Variants in HDC observed in about 807,000 individuals in gnomAD.
HDC encodes histidine decarboxylase.
HDC carries 27 observed loss-of-function variants against 64.4 expected under a neutral mutation model. The observed-to-expected ratio is 0.42, with a 90% confidence interval of 0.31 to 0.58. HDC has a LOEUF of 0.58. HDC is among the 20% of genes least tolerant of loss of function. HDC has a pLI of 0.16. For synonymous variants in HDC, 305 were observed against 314.2 expected, an observed-to-expected ratio of 0.97 and a Z score of 0.31; for missense variants, 711 against 833.9, an observed-to-expected ratio of 0.85 and a Z score of 1.81.
At chr15:50,247,254 A>T (rs912694837) in intron 10 of HDC, among the ~76,000 whole-genome samples, 3 of 152,230 alleles carry the variant, frequency 2.0e-5, no homozygotes, top group South Asian at 4.1e-4. Context: ...GAATGTTTCT[A>T]ACACAAAGAA....
At position 50,242,751 on chromosome 15, in the gene HDC, A is replaced by G. The variant is rs751916104; in HGVS notation, c.1498T>C (p.Trp500Arg). 6.2e-7 allele frequency: 1 copy of G among 1,614,022 alleles called. No individual in the cohort carries two copies. The highest frequency in any genetic ancestry group is 1.1e-5 in the South Asian group (1 of 91,076). The change falls in exon 12 of 12, where the codon TGG becomes CGG. Residue 500 changes from tryptophan to arginine, a missense_variant. Transcript: ENST00000267845. ...GACTGAAGGGACGTTCCACAGGCCC[A>G]GGCTCTGGCACCCCTGATTTGGGAG... ...LISQIRGARA[W>R]ACGTSLQSVS...
intron 10 of HDC, among the ~76,000 whole-genome samples, chr15:50,245,442 T>C (rs2045468359): frequency 6.6e-6 from 1 of 152,006 alleles, no homozygotes; most frequent in Non-Finnish European, 1.5e-5. Flanking sequence ...TTATTATAAT[T>C]AGATGAAGAA....
At chr15:50,262,607 C>T (rs2045718484) in intron 2 of HDC, among the ~76,000 whole-genome samples, 1 of 152,180 alleles carries the variant, frequency 6.6e-6, no homozygotes. Flanking sequence ...CAGGCTGCAC[C>T]CTCCATCATG....
Position 50,252,712 on chromosome 15 carries a change from G to A in HDC, c.850C>T (p.Pro284Ser). Residue 284 changes from proline to serine, a missense_variant, in exon 8 of 12, where the codon CCC (proline) becomes TCC (serine). Physicochemically the swap from Pro to Ser is moderately conservative, Grantham distance 74. This residue lies in a region of HDC where 483 missense variants were observed against 540.9 expected (regional missense o/e 0.89). Coordinates refer to ENST00000267845, the MANE Select transcript of HDC (RefSeq NM_002112.4). The part of the protein sequence containing the change: ...AAYAGTAFLC[P>S]EFRGFLKGIE... ...CCCTTCAGAAACCCCCGGAACTCGG[G>A]GCACAGGAAGGCAGTGCCTGCATAA... 6.2e-7 allele frequency: 1 copy of A among 1,614,108 alleles called. No homozygotes were observed. The highest frequency in any genetic ancestry group is 1.6e-4 in the Middle Eastern group (1 of 6,062).
chr15:50,262,506 A>C (rs528699276), intron 2 of HDC, among the ~76,000 whole-genome samples: 1 of 152,318 alleles, frequency 6.6e-6, no homozygotes, highest in African/African-American at 2.4e-5. Context: ...GCCAGTGGTC[A>C]GGGGTGTCCA....
chr15:50,258,623 C>T (rs939616217), intron 2 of HDC, 106 bp from the exon 3 acceptor site: 4 of 724,602 alleles, frequency 5.5e-6, no homozygotes, highest in African/African-American at 5.2e-5. Context: ...TAGAGATGGG[C>T]TGACACTTTT....
intron 4 of HDC, 66 bp from the exon 5 acceptor site, chr15:50,254,730 C>G: frequency 7.0e-7 from 1 of 1,419,982 alleles, no homozygotes; most frequent in Non-Finnish European, 9.8e-7. Context: ...CCCAGGCTTT[C>G]TAGTTTTTTC....
chr15:50,253,876 CATAAAACAATACATACTCTGGCT>C, intron 6 of HDC: 2 of 642,368 alleles, frequency 3.1e-6, no homozygotes, highest in Non-Finnish European at 5.5e-6. Context: ...AAAAAAGTTT[CATAAAACAATACATACTCTGGCT>C]ATATGTGTGC....
intron 9 of HDC, among the ~76,000 whole-genome samples, chr15:50,251,975 C>G (rs2045562120): frequency 6.6e-6 from 1 of 152,192 alleles, no homozygotes; most frequent in African/African-American, 2.4e-5. Flanking sequence ...CAGCCCATCA[C>G]TACCACAGAG....
rs1170765999 is a variant in HDC, at chr15:50,242,899, C to T, written c.1350G>A (p.Val450=). The change falls in exon 12 of 12, where the codon GTG becomes GTA. Residue 450 remains valine (V), a synonymous_variant. Coordinates refer to ENST00000267845, the MANE Select transcript of HDC (RefSeq NM_002112.4). ...IQDKLIIRFT[V]TSQFTTRDDI... ...CATCCCTAGTGGTAAACTGGGATGT[C>T]ACAGTGAAACGGATGATTAACTTGT... 6.2e-7 allele frequency: 1 copy of T among 1,614,120 alleles called. No homozygotes were observed. The highest frequency in any genetic ancestry group is 1.1e-5 in the South Asian group (1 of 91,072).
At chr15:50,250,955 A>T (rs2045546453) in intron 9 of HDC, among the ~76,000 whole-genome samples, 1 of 152,226 alleles carries the variant, frequency 6.6e-6, no homozygotes, top group South Asian at 2.1e-4. Flanking sequence ...GTGATGACGA[A>T]GCTATTATTT....
chr15:50,244,948 T>C (rs997357601), intron 10 of HDC: 3 of 152,332 alleles, frequency 2.0e-5, no homozygotes, highest in South Asian at 4.1e-4. Flanking sequence ...TTTCCATTTT[T>C]TAGAAGGAAC....
rs370145674 is a variant in HDC, at chr15:50,246,278, G to A, written c.1140+1967C>T. On this transcript the variant is annotated intron_variant, in intron 10 of 11. Transcript: ENST00000267845. ...GCAAGTGTCAATAATTATCATCACCGTCAAGTTGAAGAGATAAAATCAAAT... is the reference window on the plus strand; with the variant it reads ...GCAAGTGTCAATAATTATCATCACCATCAAGTTGAAGAGATAAAATCAAAT... Among the ~76,000 whole-genome samples, 13 of 152,178 alleles carry A rather than the reference G, an allele frequency of 8.5e-5. 1 individual carries two copies. The highest frequency in any genetic ancestry group is 3.8e-4 in the East Asian group (2 of 5,200).
At position 50,242,357 on chromosome 15, in the gene HDC, T is replaced by C; in HGVS notation, c.1892A>G (p.Lys631Arg). Residue 631 changes from lysine to arginine, a missense_variant, in exon 12 of 12, where the codon AAA becomes AGA. Coordinates refer to ENST00000267845, the MANE Select transcript of HDC (RefSeq NM_002112.4). ...GACGCTGTAGAATTTGATGAGTTTTTTGAAGGCACTTTTCTTCAGCATCAT... is the reference window on the plus strand; with the variant it reads ...GACGCTGTAGAATTTGATGAGTTTTCTGAAGGCACTTTTCTTCAGCATCAT... ...DMMMLKKSAF[K>R]KLIKFYSVPS... 6.2e-7 allele frequency: 1 copy of C among 1,614,182 alleles called. No individual in the cohort carries two copies. Among genetic ancestry groups the C allele is most frequent in the Non-Finnish European group, 8.5e-7 (1 of 1,180,030 alleles).
At chr15:50,262,408 G>A (rs2045715836) in intron 2 of HDC, among the ~76,000 whole-genome samples, 1 of 152,202 alleles carries the variant, frequency 6.6e-6, no homozygotes, top group Admixed American at 6.5e-5. Context: ...CATGTGGCCA[G>A]CACAGAGCTG....
rs547524843 is a variant in HDC, at chr15:50,265,629, T to C, written c.-6A>G. 6.2e-7 allele frequency: 1 copy of C among 1,613,846 alleles called. No homozygotes were observed. Among genetic ancestry groups the C allele is most frequent in the African/African-American group, 1.3e-5 (1 of 75,034 alleles). Reference sequence around the variant, plus strand: ...TACTCCTCAGGCTCCATCATCTCCCTTGGGCTCTGGCTCCTTCTCACAGAT... The same window carrying C: ...TACTCCTCAGGCTCCATCATCTCCCCTGGGCTCTGGCTCCTTCTCACAGAT... On this transcript the variant is annotated 5_prime_UTR_variant, in exon 1 of 12. Coordinates refer to ENST00000267845, the MANE Select transcript of HDC (RefSeq NM_002112.4).
In HDC at chr15:50,263,529, C is replaced by T; in HGVS notation, c.32-122G>A. The T allele has an allele frequency of 3.3e-6, 3 of 912,334 alleles. No individual in the cohort carries two copies. In the South Asian group the frequency reaches 4.2e-5, roughly 13 times the overall value. The allele number at this position is 912,334 out of a possible 1,614,324, so 56.5% of individuals were successfully genotyped here. ...AGAAGGAGATGGATTTGGCCGGGCA[C>T]AGTGGCTCATGCCTGTAATCCCAGC... On this transcript the variant is annotated intron_variant, in intron 1 of 11. Coordinates refer to ENST00000267845, the MANE Select transcript of HDC (RefSeq NM_002112.4).
At chr15:50,265,491 T>A (rs2045755140) in intron 1 of HDC, 102 bp downstream of exon 1, 2 of 1,015,288 alleles carry the variant, frequency 2.0e-6, no homozygotes, top group South Asian at 2.6e-5. Context: ...GCAATTCTAA[T>A]GCTCCCATCA....
rs568736998 is a variant in HDC at position 50,262,575 on chromosome 15, C to T, written c.204+660G>A. Among the ~76,000 whole-genome samples the T allele has an allele frequency of 2.6e-5, 4 of 152,340 alleles. No individual in the cohort carries two copies. The East Asian group carries it at 7.7e-4, about 29-fold the overall frequency. ...TGCATCAGCCAGCTTCCATCAGCTT[C>T]CTGGCCCCACCAGCACTATCCCAGG... On this transcript the variant is annotated intron_variant, in intron 2 of 11. Coordinates refer to ENST00000267845, the MANE Select transcript of HDC (RefSeq NM_002112.4).
Sources: gnomAD v4.1 joint callset for allele counts (sites outside exome capture counted in the v4.1 genomes callset) on GRCh38, gnomAD v4.1.1 for gene constraint, gnomAD v4.1.1 regional missense constraint, MANE v1.5 for transcripts, NCBI Gene and HGNC (gene_info 2026-07-23, HGNC 2026-07-21) for gene names.